Variants in KLHL2 observed in about 807,000 individuals in gnomAD.
The protein encoded by KLHL2 is kelch like family member 2.
KLHL2 carries 15 observed loss-of-function variants against 75.8 expected under a neutral mutation model. That is an observed-to-expected ratio of 0.20 (90% CI 0.13 to 0.30). The LOEUF is 0.30. KLHL2 is among the 10% of genes least tolerant of loss of function. The pLI is 1.00. For missense variants in KLHL2, 381 were observed against 741.0 expected (o/e 0.51, Z 5.64); for synonymous variants, 214 against 251.9 (o/e 0.85, Z 1.42).
At chr4:165,222,615 G>A (rs1310906156) in intron 2 of KLHL2, among the ~76,000 whole-genome samples, 1 of 152,044 alleles carries the variant, frequency 6.6e-6, no homozygotes. Flanking sequence ...TGTCGTTGGA[G>A]TTCATCAGAC....
chr4:165,298,704 A>G (rs972180648), intron 7 of KLHL2, among the ~76,000 whole-genome samples: 3 of 152,096 alleles, frequency 2.0e-5, no homozygotes, highest in Non-Finnish European at 4.4e-5. Flanking sequence ...GCACTTAGGG[A>G]GGCGGAGGCA....
At chr4:165,308,688 T>TTA (rs1745916852) in intron 9 of KLHL2, among the ~76,000 whole-genome samples, 1 of 152,202 alleles carries the variant, frequency 6.6e-6, no homozygotes, top group African/African-American at 2.4e-5. Flanking sequence ...ATTTGTAGTG[T>TTA]TATTTTGTGG....
At chr4:165,269,133 C>A (rs369914317) in intron 5 of KLHL2, among the ~76,000 whole-genome samples, 5 of 151,904 alleles carry the variant, frequency 3.3e-5, no homozygotes, top group African/African-American at 9.7e-5. Context: ...AGATTGCAAC[C>A]CCTGCTTTTT....
At chr4:165,223,682 T>A (rs1261552810) in intron 2 of KLHL2, among the ~76,000 whole-genome samples, 1 of 152,168 alleles carries the variant, frequency 6.6e-6, no homozygotes, top group Non-Finnish European at 1.5e-5. Context: ...AGCATCATGC[T>A]AAGATTAATG....
At chr4:165,219,694 A>C (rs1281210084) in intron 1 of KLHL2, 12 of 1,275,262 alleles carry the variant, frequency 9.4e-6, no homozygotes, top group African/African-American at 1.5e-5. Context: ...TTCTGTGTTG[A>C]TCTTTGACGG....
chr4:165,271,580 A>G (rs1306725590), intron 5 of KLHL2, among the ~76,000 whole-genome samples: 1 of 152,166 alleles, frequency 6.6e-6, no homozygotes, highest in African/African-American at 2.4e-5. Context: ...TAGGTATAAG[A>G]TCATATCATC....
chr4:165,238,976 A>G, intron 4 of KLHL2, 77 bp downstream of exon 4: 11 of 1,509,362 alleles, frequency 7.3e-6, no homozygotes, highest in East Asian at 4.8e-5. Context: ...CCCACACAGT[A>G]TACAATTTGC....
intron 4 of KLHL2, among the ~76,000 whole-genome samples, chr4:165,240,012 C>A (rs936643556): frequency 6.6e-6 from 1 of 152,080 alleles, no homozygotes; most frequent in Non-Finnish European, 1.5e-5. Context: ...TGATTTTTCA[C>A]CTTTATAAAA....
intron 5 of KLHL2, among the ~76,000 whole-genome samples, chr4:165,282,665 T>C (rs1743786126): frequency 6.6e-6 from 1 of 150,736 alleles, no homozygotes; most frequent in Non-Finnish European, 1.5e-5. Flanking sequence ...GAAGGATAAT[T>C]TGGGAAAATA....
In KLHL2 at chr4:165,269,728, C is replaced by T. The variant is rs191948995; in HGVS notation, c.544+6369C>T. 2.8e-3 allele frequency among the ~76,000 whole-genome samples: 422 copies of T among 151,744 alleles called. 1 individual carries two copies. Among genetic ancestry groups the T allele is most frequent in the Non-Finnish European group, 3.5e-3 (235 of 67,854 alleles). The stretch of plus-strand genomic sequence containing the variant: ...CCTTTGTGGGTAACCCGACCTTTCT[C>T]TCTGGCTGCCCTTAACATTTTTTCC... On this transcript the variant is annotated intron_variant, in intron 5 of 14. Transcript: ENST00000226725.
chr4:165,259,116 T>C (rs1446858074), intron 4 of KLHL2, among the ~76,000 whole-genome samples: 1 of 152,086 alleles, frequency 6.6e-6, no homozygotes, highest in Non-Finnish European at 1.5e-5. Flanking sequence ...TTTTTTTTTT[T>C]CTTTGAGATG....
At position 165,207,761 on chromosome 4, in the gene KLHL2, CCCCTCCG is replaced by C; in HGVS notation, c.-115_-109del. 1 of 836,184 alleles carries C rather than the reference CCCCTCCG, an allele frequency of 1.2e-6. No homozygotes were observed. The highest frequency in any genetic ancestry group is 2.1e-5 in the South Asian group (1 of 46,976). 51.8% of individuals were successfully genotyped at this position (836,184 alleles called of 1,614,324 possible). The stretch of plus-strand genomic sequence containing the variant: ...GCGCGCGGTGAGGAGAGCGCGGCGC[CCCCTCCG>C]GGGCGGATGGAACGCGGCTCGGCGG... On this transcript the variant is annotated 5_prime_UTR_variant, in exon 1 of 15. Transcript: ENST00000226725. This position sits in a 1 kb window ranked among gnomAD's most constrained non-coding sequence, Gnocchi z 4.2.
intron 4 of KLHL2, among the ~76,000 whole-genome samples, chr4:165,248,336 A>G (rs1165303234): frequency 6.6e-6 from 1 of 152,182 alleles, no homozygotes; most frequent in South Asian, 2.1e-4. Flanking sequence ...CATGATGACA[A>G]CACTCTGGGG....
At chr4:165,279,148 C>A (rs1413511103) in intron 5 of KLHL2, 52 of 1,602,228 alleles carry the variant, frequency 3.2e-5, no homozygotes, top group Non-Finnish European at 4.4e-5. Flanking sequence ...CTTCAACGGC[C>A]TTTTGAACTT....
At chr4:165,287,953 T>C (rs1460115936) in intron 5 of KLHL2, among the ~76,000 whole-genome samples, 2 of 152,156 alleles carry the variant, frequency 1.3e-5, no homozygotes, top group Non-Finnish European at 2.9e-5. Flanking sequence ...TATTTTCTTC[T>C]CTTCTACAGG....
chr4:165,294,617 C>A (rs969791047), intron 6 of KLHL2, 149 bp downstream of exon 6: 5 of 496,180 alleles, frequency 1.0e-5, no homozygotes, highest in African/African-American at 1.9e-5. Context: ...CTAGTTACTT[C>A]AGGAAAGGAT....
At chr4:165,295,451 G>A (rs1225290978) in intron 6 of KLHL2, among the ~76,000 whole-genome samples, 1 of 152,200 alleles carries the variant, frequency 6.6e-6, no homozygotes, top group East Asian at 1.9e-4. Flanking sequence ...TGTATTGAGT[G>A]CCTTCCATGT....
intron 14 of KLHL2, 104 bp downstream of exon 14, chr4:165,318,073 G>A (rs1746712879): frequency 9.7e-7 from 1 of 1,032,460 alleles, no homozygotes; most frequent in South Asian, 1.5e-5. Context: ...CTTTTCTCAA[G>A]GTATAGTTTA....
rs540755048 is a variant in KLHL2, at chr4:165,220,267, G to A, written c.152+208G>A. ...GGGCTCCTCTATTAGTGTGGTAGCC[G>A]CTTAGCCACATACAGCTAGTCTGAT... On this transcript the variant is annotated intron_variant, in intron 2 of 14. Transcript: ENST00000226725. Among the ~76,000 whole-genome samples, 1,323 of 151,218 alleles carry A rather than the reference G, an allele frequency of 8.7e-3. 14 individuals are homozygous for A. The highest frequency in any genetic ancestry group is 0.014 in the Non-Finnish European group (955 of 67,782).
Sources: allele counts gnomAD v4.1 joint callset (sites outside exome capture counted in the v4.1 genomes callset), GRCh38; gene constraint gnomAD v4.1.1; non-coding constraint Gnocchi (gnomAD v3.1); transcripts MANE v1.5; gene names NCBI Gene and HGNC (gene_info 2026-07-23, HGNC 2026-07-21).